UNC13B: variants seen among roughly 807,000 people sequenced by gnomAD.
The protein encoded by UNC13B is unc-13 homolog B, also known as protein unc-13 homolog B.
In UNC13B, 144 loss-of-function variants were observed where a neutral mutation model predicts 211.0. The observed-to-expected ratio is 0.68, with a 90% CI of 0.60 to 0.78. UNC13B has a LOEUF of 0.78. Ranked by LOEUF, UNC13B falls within the 30% of genes least tolerant of loss-of-function variation. The pLI is 0.00. For synonymous variants in UNC13B, 709 were observed against 725.8 expected (o/e 0.98, Z 0.37); for missense variants, 1,777 against 2,002.0 (o/e 0.89, Z 2.14).
At chr9:35,352,313 G>A (rs2132071087) in intron 11 of UNC13B, 3 of 1,232,126 alleles carry the variant, frequency 2.4e-6, no homozygotes, top group East Asian at 6.3e-5. Context: ...GGCTTACAGG[G>A]CAGGCACATC....
In UNC13B at chr9:35,376,120, C is replaced by T; in HGVS notation, c.9708C>T (p.Thr3236=). The T allele has an allele frequency of 1.9e-6, 3 of 1,614,262 alleles. No individual in the cohort carries two copies. The highest frequency in any genetic ancestry group is 2.7e-5 in the African/African-American group (2 of 75,080). Residue 3236 remains threonine (T), a synonymous_variant, in exon 15 of 40, where the codon ACC becomes ACT. Transcript: ENST00000635942. The part of the protein sequence containing the change: ...PHNFEVWTAT[T]PTYCYECEGL... Reference sequence around the variant, plus strand: ...ACTTTGAGGTCTGGACGGCCACTACCCCAACCTACTGCTATGAGTGTGAAG... The same window carrying T: ...ACTTTGAGGTCTGGACGGCCACTACTCCAACCTACTGCTATGAGTGTGAAG...
chr9:35,402,111 G>T, intron 37 of UNC13B: 1 of 1,066,738 alleles, frequency 9.4e-7, no homozygotes, highest in Non-Finnish European at 1.4e-6. Flanking sequence ...AAGCTGTCAA[G>T]GTTTAGGAGC....
intron 11 of UNC13B, among the ~76,000 whole-genome samples, chr9:35,324,911 C>T (rs1830926736): frequency 6.6e-6 from 1 of 152,142 alleles, no homozygotes. Context: ...TTCTTGGACA[C>T]TCACTTGTCC....
At position 35,376,067 on chromosome 9, in the gene UNC13B, T is replaced by A; in HGVS notation, c.9655T>A (p.Tyr3219Asn). Residue 3219 changes from tyrosine to asparagine, a missense_variant, in exon 15 of 40, where the codon TAC becomes AAC. Physicochemically the swap from Tyr to Asn is moderately radical, Grantham distance 143. Transcript: ENST00000635942. ...TAAGAAAACCCTGCAGGCCTTAATC[T>A]ACCCCATTTCGTGCACCACTCCTCA... The part of the protein sequence containing the change: ...VYKKTLQALI[Y>N]PISCTTPHNF... 1 of 1,614,232 alleles carries A rather than the reference T, an allele frequency of 6.2e-7. No individual in the cohort carries two copies. Among genetic ancestry groups the A allele is most frequent in the Non-Finnish European group, 8.5e-7 (1 of 1,180,038 alleles).
At chr9:35,183,327 G>A (rs1294499255) in intron 1 of UNC13B, among the ~76,000 whole-genome samples, 2 of 137,378 alleles carry the variant, frequency 1.5e-5, no homozygotes, top group Admixed American at 1.4e-4. Context: ...GGGCAGCCGG[G>A]CAGAGGCGCC....
intron 1 of UNC13B, among the ~76,000 whole-genome samples, chr9:35,210,535 T>TA (rs1423273090): frequency 1.3e-5 from 2 of 151,726 alleles, no homozygotes; most frequent in Non-Finnish European, 2.9e-5. Context: ...ACTTATTTTT[T>TA]TTTTTTGAGA....
intron 1 of UNC13B, among the ~76,000 whole-genome samples, chr9:35,203,296 G>C (rs1337566845): frequency 6.6e-6 from 1 of 152,174 alleles, no homozygotes; most frequent in East Asian, 1.9e-4. Context: ...GGCTGGTACT[G>C]GTTGTTCCTT....
At chr9:35,308,740 A>G (rs542520240) in intron 9 of UNC13B, among the ~76,000 whole-genome samples, 1 of 152,332 alleles carries the variant, frequency 6.6e-6, no homozygotes, top group South Asian at 2.1e-4. Context: ...AGGAAGAGGT[A>G]GTAAGTAGTT....
At chr9:35,171,642 A>T (rs980086295) in intron 1 of UNC13B, among the ~76,000 whole-genome samples, 2 of 152,168 alleles carry the variant, frequency 1.3e-5, no homozygotes, top group Non-Finnish European at 2.9e-5. Context: ...GGCTTCAAGC[A>T]GTCCTTCTCT....
chr9:35,395,732 G>A (rs1835828698), intron 26 of UNC13B, among the ~76,000 whole-genome samples: 1 of 152,216 alleles, frequency 6.6e-6, no homozygotes, highest in African/African-American at 2.4e-5. Context: ...CTTTGTCTTA[G>A]ATTTTCCAGA....
In UNC13B at chr9:35,389,933, A is replaced by G; in HGVS notation, c.11182A>G (p.Ile3728Val). 5 of 1,614,098 alleles carry G rather than the reference A, an allele frequency of 3.1e-6. No individual in the cohort carries two copies. The South Asian group carries it at 3.3e-5, about 11-fold the overall frequency. ...PKLITLIVSI[I>V]EEDKNSYTPV... ...GCTCATCACACTCATCGTGTCAATC[A>G]TAGAGGAAGATAAGAATTCCTACAC... Residue 3728 changes from isoleucine (I) to valine (V), a missense_variant, in exon 25 of 40, where the codon ATA (isoleucine) becomes GTA (valine). Physicochemically the swap from Ile to Val is conservative, Grantham distance 29. Transcript: ENST00000635942.
chr9:35,244,064 A>G (rs7851161), intron 6 of UNC13B, among the ~76,000 whole-genome samples: 1 of 151,870 alleles, frequency 6.6e-6, no homozygotes, highest in East Asian at 1.9e-4. Flanking sequence ...TAACAATTGA[A>G]GTCATAGGAA....
intron 1 of UNC13B, among the ~76,000 whole-genome samples, chr9:35,207,459 C>A (rs1478289247): frequency 6.8e-6 from 1 of 146,112 alleles, no homozygotes; most frequent in Non-Finnish European, 1.5e-5. Flanking sequence ...TCTATGAACT[C>A]TGCAGAGAAG....
At chr9:35,167,121 G>A (rs985285902) in intron 1 of UNC13B, among the ~76,000 whole-genome samples, 2 of 152,054 alleles carry the variant, frequency 1.3e-5, no homozygotes, top group Non-Finnish European at 2.9e-5. Context: ...TGTCGCCCAG[G>A]CTGGAGTGCA....
chr9:35,328,618 TCC>T (rs1831157490), intron 11 of UNC13B, among the ~76,000 whole-genome samples: 2 of 101,010 alleles, frequency 2.0e-5, no homozygotes, highest in East Asian at 3.4e-4. Context: ...CTTCCTTCCT[TCC>T]TTCCTTCCTT....
In UNC13B at chr9:35,335,416, T is replaced by C. The variant is rs142203645; in HGVS notation, c.9414+21427T>C. Among the ~76,000 whole-genome samples the C allele has an allele frequency of 8.5e-3, 1,296 of 152,336 alleles. 18 individuals are homozygous for C. Among genetic ancestry groups the C allele is most frequent in the Non-Finnish European group, 0.015 (1,019 of 68,032 alleles). Reference sequence around the variant, plus strand: ...CACTATGCCCTGAAGTACAGTCATATTGTAAGACTTCAGTAAACTTCCTGA... The same window carrying C: ...CACTATGCCCTGAAGTACAGTCATACTGTAAGACTTCAGTAAACTTCCTGA... On this transcript the variant is annotated intron_variant, in intron 11 of 39. Transcript: ENST00000635942.
At position 35,376,829 on chromosome 9, in the gene UNC13B, G is replaced by A. The variant is rs1195567100; in HGVS notation, c.9835+582G>A. On this transcript the variant is annotated intron_variant, in intron 15 of 39. Coordinates refer to ENST00000635942, the MANE Select transcript of UNC13B (RefSeq NM_001371189.2). The stretch of plus-strand genomic sequence containing the variant: ...CTGCCATGATGGAGTGGGGACAATA[G>A]GAGCAGGAAAAGCAACAAGTTCTTG... Among the ~76,000 whole-genome samples the A allele has an allele frequency of 2.0e-5, 3 of 152,182 alleles. No individual in the cohort carries two copies. The East Asian group carries it at 5.8e-4, about 29-fold the overall frequency.
intron 1 of UNC13B, among the ~76,000 whole-genome samples, chr9:35,181,001 G>A (rs1280033472): frequency 6.6e-6 from 1 of 152,006 alleles, no homozygotes; most frequent in South Asian, 2.1e-4. Flanking sequence ...GGCTGACTGA[G>A]ATGGGAGGAT....
At chr9:35,352,791 C>G in intron 11 of UNC13B, 2 of 1,232,180 alleles carry the variant, frequency 1.6e-6, no homozygotes, top group Non-Finnish European at 2.0e-6. Context: ...CTGTCTACCC[C>G]CCATCAGTTT....
Sources: gnomAD v4.1 joint callset for allele counts (sites outside exome capture counted in the v4.1 genomes callset) on GRCh38, gnomAD v4.1.1 for gene constraint, MANE v1.5 for transcripts, NCBI Gene and HGNC (gene_info 2026-07-23, HGNC 2026-07-21) for gene names.